Variants in PDE4D observed in about 807,000 individuals in gnomAD.
PDE4D encodes 3',5'-cyclic-AMP phosphodiesterase 4D.
PDE4D carries 24 observed loss-of-function variants against 87.4 expected under a neutral mutation model. That is an observed-to-expected ratio of 0.27 (90% confidence interval 0.20 to 0.39). The LOEUF is 0.39. Among genes scored for constraint, PDE4D ranks in the 10% least tolerant of loss-of-function variants. PDE4D has a pLI of 1.00. For synonymous variants in PDE4D, 384 were observed against 383.2 expected (o/e 1.00, Z -0.02); for missense variants, 714 against 1,041.0 (o/e 0.69, Z 4.32).
At position 59,286,687 on chromosome 5, in the gene PDE4D, T is replaced by C. The variant is rs576556456; in HGVS notation, c.456-70719A>G. ...ACTCAAAAGTAACTCTTGAAAACAG[T>C]GCCATTAAGCAATGACTCCTCATTC... On this transcript the variant is annotated intron_variant, in intron 1 of 14. Transcript: ENST00000340635. 3.3e-5 allele frequency among the ~76,000 whole-genome samples: 5 copies of C among 152,276 alleles called. No homozygotes were observed. The South Asian group carries it at 1.0e-3, about 32-fold the overall frequency.
intron 1 of PDE4D, among the ~76,000 whole-genome samples, chr5:59,373,281 T>C (rs534123989): frequency 5.3e-5 from 8 of 152,066 alleles, no homozygotes; most frequent in Non-Finnish European, 1.0e-4. Context: ...CTAAAAATCA[T>C]GATAAAACAA....
intron 2 of PDE4D, among the ~76,000 whole-genome samples, chr5:60,079,103 A>G (rs2152902151): frequency 6.6e-6 from 1 of 152,234 alleles, no homozygotes; most frequent in South Asian, 2.1e-4. Context: ...ATGGTATCTC[A>G]TAGTGGTTTT....
chr5:59,242,878 A>G (rs1240389054), intron 1 of PDE4D, among the ~76,000 whole-genome samples: 2 of 152,194 alleles, frequency 1.3e-5, no homozygotes, highest in Non-Finnish European at 2.9e-5. Context: ...CTCCATCGTT[A>G]TACTGGCTTT....
In PDE4D at chr5:59,244,653, TAG is replaced by T. The variant is rs201956009; in HGVS notation, c.456-28687_456-28686del. Among the ~76,000 whole-genome samples, 352 of 136,618 alleles carry T rather than the reference TAG, an allele frequency of 2.6e-3. 1 individual carries two copies. The highest frequency in any genetic ancestry group is 7.9e-3 in the African/African-American group (296 of 37,496). The allele number at this position is 136,618 out of a possible 152,430, so 89.6% of individuals were successfully genotyped here. A position where few individuals can be genotyped will look rare whatever the true frequency, so the allele number is the denominator to read the frequency against. On this transcript the variant is annotated intron_variant, in intron 1 of 14. Transcript: ENST00000340635. ...ATTTACATATATACATATATATGTA[TAG>T]ATATATGTATGTATGTGTGTGTGTC...
chr5:58,990,965 G>C, intron 8 of PDE4D, 63 bp from the exon 9 acceptor site: 1 of 913,790 alleles, frequency 1.1e-6, no homozygotes, highest in Non-Finnish European at 1.7e-6. Flanking sequence ...ATGACTCAAT[G>C]AACACAATCA....
At chr5:60,273,851 CA>C (rs1029414569) in intron 1 of PDE4D, among the ~76,000 whole-genome samples, 10 of 147,558 alleles carry the variant, frequency 6.8e-5, no homozygotes, top group Admixed American at 1.3e-4. Context: ...TTTGAGAAAT[CA>C]AAAAAAAAAT....
intron 1 of PDE4D, among the ~76,000 whole-genome samples, chr5:59,461,994 A>G (rs992726): frequency 0.18 from 26,974 of 152,118 alleles, 2,564 homozygotes; most frequent in Admixed American, 0.22. Context: ...TGTGACTGGT[A>G]GTTGCAAACT....
At chr5:59,228,285 G>GA (rs1307071617) in intron 1 of PDE4D, among the ~76,000 whole-genome samples, 1 of 151,538 alleles carries the variant, frequency 6.6e-6, no homozygotes, top group Non-Finnish European at 1.5e-5. Flanking sequence ...AAGAGGATCA[G>GA]AAAAAAAATA....
intron 1 of PDE4D, among the ~76,000 whole-genome samples, chr5:60,220,170 G>C (rs1049300006): frequency 6.6e-6 from 1 of 152,118 alleles, no homozygotes; most frequent in Non-Finnish European, 1.5e-5. Context: ...CGGTTTGCTT[G>C]CAGCCTGTCC....
intron 1 of PDE4D, among the ~76,000 whole-genome samples, chr5:59,831,443 A>C (rs1042957638): frequency 5.3e-5 from 8 of 152,080 alleles, no homozygotes; most frequent in African/African-American, 1.9e-4. Flanking sequence ...TAATGATAAC[A>C]ACAATGGTAG....
intron 1 of PDE4D, among the ~76,000 whole-genome samples, chr5:59,404,667 A>G (rs1791304786): frequency 7.0e-6 from 1 of 141,978 alleles, no homozygotes; most frequent in South Asian, 2.1e-4. Context: ...CTCTGTCTAA[A>G]AAAAAAAAAA....
At chr5:60,313,117 T>C (rs527674979) in intron 1 of PDE4D, among the ~76,000 whole-genome samples, 1 of 150,898 alleles carries the variant, frequency 6.6e-6, no homozygotes, top group Admixed American at 6.6e-5. Context: ...ACAAAAAAAA[T>C]TGAAAGATCA....
chr5:59,981,263 A>G (rs1388016873), intron 3 of PDE4D, among the ~76,000 whole-genome samples: 1 of 151,560 alleles, frequency 6.6e-6, no homozygotes, highest in Non-Finnish European at 1.5e-5. Context: ...AAAACAAAAC[A>G]AAACAAAACA....
chr5:59,042,613 A>C (rs1212891924), intron 5 of PDE4D, among the ~76,000 whole-genome samples: 1 of 152,216 alleles, frequency 6.6e-6, no homozygotes, highest in East Asian at 1.9e-4. Context: ...ACACCCAAGC[A>C]AAAACTATTG....
At chr5:59,262,763 A>T (rs1762238380) in intron 1 of PDE4D, among the ~76,000 whole-genome samples, 1 of 151,918 alleles carries the variant, frequency 6.6e-6, no homozygotes, top group African/African-American at 2.4e-5. Context: ...TTGGCTTCAT[A>T]TAAAAATCAC....
At chr5:60,259,702 A>G (rs944399766) in intron 1 of PDE4D, among the ~76,000 whole-genome samples, 22 of 152,044 alleles carry the variant, frequency 1.4e-4, no homozygotes, top group African/African-American at 5.3e-4. Context: ...AGTTTGACTC[A>G]TTCTACACAT....
At chr5:60,046,660 G>T (rs1371527692) in intron 2 of PDE4D, among the ~76,000 whole-genome samples, 3 of 152,132 alleles carry the variant, frequency 2.0e-5, no homozygotes, top group Non-Finnish European at 4.4e-5. Flanking sequence ...TTTATATGCT[G>T]GATTACATTT....
intron 1 of PDE4D, among the ~76,000 whole-genome samples, chr5:60,467,827 G>A (rs1262361094): frequency 6.6e-6 from 1 of 152,106 alleles, no homozygotes; most frequent in East Asian, 1.9e-4. Flanking sequence ...GAGAGAAAGG[G>A]GATGTGCTAC....
At chr5:59,426,624 G>T (rs1244610116) in intron 1 of PDE4D, among the ~76,000 whole-genome samples, 1 of 152,034 alleles carries the variant, frequency 6.6e-6, no homozygotes, top group Admixed American at 6.6e-5. Context: ...GACAGTAATG[G>T]TGTCAAGCCA....
Sources: allele counts gnomAD v4.1 joint callset (sites outside exome capture counted in the v4.1 genomes callset), GRCh38; gene constraint gnomAD v4.1.1; transcripts MANE v1.5; gene names NCBI Gene and HGNC (gene_info 2026-07-23, HGNC 2026-07-21).